Variants in SRPK1 observed in about 807,000 individuals in gnomAD.
SRPK1 encodes the protein SFRS protein kinase 1.
A neutral mutation model predicts 89.5 loss-of-function variants in SRPK1; 52 were observed. That is an observed-to-expected ratio of 0.58 (90% CI 0.46 to 0.73). SRPK1 has a LOEUF of 0.73. SRPK1 is among the 30% of genes least tolerant of loss of function. SRPK1 has a pLI of 0.00. For synonymous variants in SRPK1, 255 were observed against 270.2 expected, an observed-to-expected ratio of 0.94 and a Z score of 0.55; for missense variants, 603 against 780.6, an observed-to-expected ratio of 0.77 and a Z score of 2.71.
rs1052763563 is a variant in SRPK1 at position 35,915,209 on chromosome 6, T to C, written c.74+5259A>G. 3.1e-4 allele frequency among the ~76,000 whole-genome samples: 47 copies of C among 151,894 alleles called. 1 individual carries two copies. Among genetic ancestry groups the C allele is most frequent in the Admixed American group, 2.9e-3 (45 of 15,284 alleles). ...GCGACGTCAGGAGATCGAGACCATC[T>C]CGGCTAACACAGTTAAACCTCGTCT... On this transcript the variant is annotated intron_variant, in intron 2 of 15. Transcript: ENST00000373825.
At chr6:35,856,536 C>T (rs1769670051) in intron 13 of SRPK1, among the ~76,000 whole-genome samples, 1 of 151,938 alleles carries the variant, frequency 6.6e-6, no homozygotes, top group Admixed American at 6.6e-5. Flanking sequence ...TAGTTAGCAT[C>T]AGAATTACAT....
At chr6:35,890,677 T>C (rs887770540) in intron 3 of SRPK1, among the ~76,000 whole-genome samples, 9 of 152,234 alleles carry the variant, frequency 5.9e-5, no homozygotes, top group South Asian at 2.1e-4. Context: ...AAATATGTAT[T>C]ATAATTTTTA....
At chr6:35,912,914 G>T (rs1228061308) in intron 2 of SRPK1, among the ~76,000 whole-genome samples, 1 of 152,182 alleles carries the variant, frequency 6.6e-6, no homozygotes, top group Admixed American at 6.6e-5. Flanking sequence ...CTCCTGAGTA[G>T]CTGGGACTAC....
intron 2 of SRPK1, among the ~76,000 whole-genome samples, chr6:35,901,374 A>G (rs1770735831): frequency 6.6e-6 from 1 of 152,198 alleles, no homozygotes; most frequent in African/African-American, 2.4e-5. Context: ...ATATAGAGGG[A>G]AGATGATGTG....
Position 35,843,729 on chromosome 6 carries a change from G to A in SRPK1, c.1621-1125C>T, listed in dbSNP as rs570259846. ...CTCCCAAAGTGCTGGGATTACAGGC[G>A]TGAGCCACCATGCCTGGCCAATTCG... On this transcript the variant is annotated intron_variant, in intron 13 of 15. Coordinates refer to ENST00000373825, the MANE Select transcript of SRPK1 (RefSeq NM_003137.5). Among the ~76,000 whole-genome samples, 11 of 152,266 alleles carry A rather than the reference G, an allele frequency of 7.2e-5. No individual in the cohort carries two copies. In the South Asian group the frequency reaches 1.0e-3, roughly 14 times the overall value.
At chr6:35,917,969 C>T (rs1468206917) in intron 2 of SRPK1, among the ~76,000 whole-genome samples, 1 of 152,182 alleles carries the variant, frequency 6.6e-6, no homozygotes, top group South Asian at 2.1e-4. Flanking sequence ...CTATGGCATG[C>T]TTCTTCCTCA....
At chr6:35,899,309 T>C (rs530062364) in intron 2 of SRPK1, among the ~76,000 whole-genome samples, 1 of 152,306 alleles carries the variant, frequency 6.6e-6, no homozygotes, top group South Asian at 2.1e-4. Context: ...ACATATCTTC[T>C]TAGGCTTGTG....
At chr6:35,838,168 C>G (rs972484460) in intron 15 of SRPK1, among the ~76,000 whole-genome samples, 169 bp downstream of exon 15, 44 of 152,060 alleles carry the variant, frequency 2.9e-4, no homozygotes, top group African/African-American at 1.0e-3. Flanking sequence ...GCGCCCGGCT[C>G]AGTCTCTGCT....
At chr6:35,905,789 C>T (rs1344239063) in intron 2 of SRPK1, among the ~76,000 whole-genome samples, 2 of 152,204 alleles carry the variant, frequency 1.3e-5, no homozygotes, top group African/African-American at 4.8e-5. Flanking sequence ...GGATTTTCAG[C>T]GTGGGAGAAA....
intron 12 of SRPK1, among the ~76,000 whole-genome samples, chr6:35,861,027 C>T (rs1276114919): frequency 6.6e-6 from 1 of 152,098 alleles, no homozygotes; most frequent in Non-Finnish European, 1.5e-5. Context: ...GCCACTGCAA[C>T]GTTTAGCGAA....
At chr6:35,903,641 T>G in intron 2 of SRPK1, among the ~76,000 whole-genome samples, 1 of 152,234 alleles carries the variant, frequency 6.6e-6, no homozygotes, top group East Asian at 1.9e-4. Flanking sequence ...TCAACATGAT[T>G]GACTACAAGT....
At position 35,890,908 on chromosome 6, in the gene SRPK1, A is replaced by G; in HGVS notation, c.180T>C (p.Asn60=). 1 of 1,551,588 alleles carries G rather than the reference A, an allele frequency of 6.4e-7. No homozygotes were observed. The highest frequency in any genetic ancestry group is 8.7e-7 in the Non-Finnish European group (1 of 1,146,986). ...TTATGAACTTACCTTTACAATAATC[A>G]TTAGGATCTTCTTGCTCATCATCAT... ...GSDDDEQEDP[N]DYCKGGYHLV... Residue 60 remains asparagine (N), a synonymous_variant, in exon 3 of 16, where the codon AAT becomes AAC. Transcript: ENST00000373825.
chr6:35,867,384 C>A (rs531217862), intron 12 of SRPK1, among the ~76,000 whole-genome samples: 26 of 152,300 alleles, frequency 1.7e-4, no homozygotes, highest in Non-Finnish European at 3.1e-4. Flanking sequence ...AAAAGGTTAT[C>A]ACAATATTCT....
intron 13 of SRPK1, among the ~76,000 whole-genome samples, chr6:35,843,695 CG>C (rs1404516975): frequency 6.6e-6 from 1 of 151,146 alleles, no homozygotes; most frequent in Non-Finnish European, 1.5e-5. Flanking sequence ...ATGATCCACC[CG>C]CCTCTGCCTC....
intron 2 of SRPK1, among the ~76,000 whole-genome samples, chr6:35,899,564 T>G (rs1770699284): frequency 6.6e-6 from 1 of 152,202 alleles, no homozygotes; most frequent in African/African-American, 2.4e-5. Context: ...ATTTAGTTAT[T>G]ATTCATTCTT....
intron 13 of SRPK1, among the ~76,000 whole-genome samples, chr6:35,846,845 GAAGT>G (rs1466521767): frequency 6.6e-6 from 1 of 152,100 alleles, no homozygotes; most frequent in Non-Finnish European, 1.5e-5. Context: ...ATATAACGAA[GAAGT>G]AACAGCAATC....
rs1006017521 is a variant in SRPK1 at position 35,834,567 on chromosome 6, C to G, written c.*737G>C. ...TGGTCTTAGGGTAATAGAAGACATA[C>G]AGGAAAGGACTGTTTATAGAACACC... On this transcript the variant is annotated 3_prime_UTR_variant, in exon 16 of 16. Coordinates refer to ENST00000373825, the MANE Select transcript of SRPK1 (RefSeq NM_003137.5). 6.6e-6 allele frequency: 1 copy of G among 152,228 alleles called. No individual in the cohort carries two copies. The highest frequency in any genetic ancestry group is 1.9e-4 in the East Asian group (1 of 5,188). The allele number at this position is 152,228 out of a possible 1,614,324, so 9.4% of individuals were successfully genotyped here.
chr6:35,920,518 G>C lies in SRPK1; in HGVS notation c.24C>G (p.Leu8=). 2 of 1,613,318 alleles carry C rather than the reference G, an allele frequency of 1.2e-6. No homozygotes were observed. Among genetic ancestry groups the C allele is most frequent in the Non-Finnish European group, 1.7e-6 (2 of 1,179,480 alleles). ...CCTTGGTCCTTTTCTTTCGGGCCTG[G>C]AGCGCAAGCACTGCAGGAGAGAGGG... The part of the protein sequence containing the change: MERKVLA[L]QARKKRTKAK... Residue 8 remains leucine, a synonymous_variant, in exon 2 of 16, where the codon CTC becomes CTG. Coordinates refer to ENST00000373825, the MANE Select transcript of SRPK1 (RefSeq NM_003137.5).
Position 35,872,746 on chromosome 6 carries a change from G to A in SRPK1, c.586-18C>T. ...TGTAACACCTGAATGGAAATAGAGT[G>A]GCAGACTTGCAAACACAAAATACAG... On this transcript the variant is annotated intron_variant, in intron 7 of 15. Coordinates refer to ENST00000373825, the MANE Select transcript of SRPK1 (RefSeq NM_003137.5). The A allele has an allele frequency of 6.3e-7, 1 of 1,575,138 alleles. No individual in the cohort carries two copies. Among genetic ancestry groups the A allele is most frequent in the Non-Finnish European group, 8.6e-7 (1 of 1,164,032 alleles).
Sources: gnomAD v4.1 joint callset for allele counts (sites outside exome capture counted in the v4.1 genomes callset) on GRCh38, gnomAD v4.1.1 for gene constraint, MANE v1.5 for transcripts, NCBI Gene and HGNC (gene_info 2026-07-23, HGNC 2026-07-21) for gene names.